Variants in KCNMA1 observed in about 807,000 individuals in gnomAD.
The protein encoded by KCNMA1 is potassium calcium-activated channel subfamily M alpha 1.
A neutral mutation model predicts 140.0 loss-of-function variants in KCNMA1; 29 were observed. The ratio of observed to expected loss-of-function variants is 0.21; its 90% CI spans 0.15 to 0.28. The LOEUF is 0.28. Among genes scored for constraint, KCNMA1 ranks in the 10% least tolerant of loss-of-function variants. KCNMA1 has a pLI of 1.00. For synonymous variants in KCNMA1, 612 were observed against 611.9 expected (o/e 1.00, Z 0.00); for missense variants, 880 against 1,602.2 (o/e 0.55, Z 7.70).
At chr10:77,181,915 C>T (rs1565043762) in intron 5 of KCNMA1, among the ~76,000 whole-genome samples, 1 of 150,230 alleles carries the variant, frequency 6.7e-6, no homozygotes, top group African/African-American at 2.4e-5. Context: ...TGGACACATA[C>T]ATATATATAT....
intron 2 of KCNMA1, among the ~76,000 whole-genome samples, chr10:77,392,061 A>T (rs1418146241): frequency 6.7e-6 from 1 of 149,772 alleles, no homozygotes; most frequent in Non-Finnish European, 1.5e-5. Context: ...ATTTCCTGAA[A>T]TGCCTCCAGG....
chr10:76,947,121 G>C (rs2064256783), intron 22 of KCNMA1, among the ~76,000 whole-genome samples: 1 of 152,080 alleles, frequency 6.6e-6, no homozygotes, highest in Admixed American at 6.6e-5. Context: ...GATCACCTGA[G>C]GTCAGGAGTT....
chr10:77,043,861 G>A (rs768643070), intron 14 of KCNMA1, among the ~76,000 whole-genome samples: 8 of 152,196 alleles, frequency 5.3e-5, no homozygotes, highest in South Asian at 2.1e-4. Flanking sequence ...AGGAGTCATC[G>A]TTTAACTGAG....
chr10:77,174,272 GTTAT>G (rs1464573278), intron 5 of KCNMA1, among the ~76,000 whole-genome samples: 2 of 152,144 alleles, frequency 1.3e-5, no homozygotes, highest in African/African-American at 4.8e-5. Context: ...CTTCAGGAAA[GTTAT>G]TTATTTCTTT....
intron 2 of KCNMA1, among the ~76,000 whole-genome samples, chr10:77,295,038 G>A (rs2074486043): frequency 1.3e-5 from 2 of 152,198 alleles, no homozygotes; most frequent in African/African-American, 4.8e-5. Context: ...TAGGTCTGAT[G>A]TGAATAGATC....
At chr10:77,029,516 A>G (rs1011229671) in intron 15 of KCNMA1, among the ~76,000 whole-genome samples, 11 of 152,198 alleles carry the variant, frequency 7.2e-5, no homozygotes, top group African/African-American at 2.7e-4. Context: ...CTACATCTTG[A>G]TCTCCAGTGA....
At chr10:77,063,801 G>A in intron 14 of KCNMA1, 1 of 985,304 alleles carries the variant, frequency 1.0e-6, no homozygotes, top group Non-Finnish European at 1.2e-6. Context: ...GGGAGGCAGA[G>A]TAGACCCAGT....
intron 1 of KCNMA1, among the ~76,000 whole-genome samples, chr10:77,541,004 C>CAAAA (rs11433642): frequency 6.9e-6 from 1 of 145,820 alleles, no homozygotes; most frequent in African/African-American, 2.5e-5. Context: ...GACTTCCTCT[C>CAAAA]AAAAAAAAAA....
At chr10:77,506,727 T>A (rs111209682) in intron 1 of KCNMA1, among the ~76,000 whole-genome samples, 1,560 of 59,750 alleles carry the variant, frequency 0.026, 9 homozygotes, top group East Asian at 0.072. Flanking sequence ...AGAGAGAGAG[T>A]GTGTGTGTGT....
At chr10:77,594,538 C>T (rs1477367699) in intron 1 of KCNMA1, among the ~76,000 whole-genome samples, 1 of 152,202 alleles carries the variant, frequency 6.6e-6, no homozygotes, top group African/African-American at 2.4e-5. Context: ...TCTCCCTAGA[C>T]CTCAGTCTCC....
chr10:77,266,675 C>T (rs968813404), intron 2 of KCNMA1, among the ~76,000 whole-genome samples: 2 of 152,166 alleles, frequency 1.3e-5, no homozygotes, highest in Non-Finnish European at 2.9e-5. Flanking sequence ...CCTGAATCTG[C>T]TACTTCACCC....
intron 13 of KCNMA1, among the ~76,000 whole-genome samples, chr10:77,076,756 A>G (rs1274224766): frequency 2.0e-5 from 3 of 152,252 alleles, no homozygotes; most frequent in Non-Finnish European, 4.4e-5. Context: ...ACACATGTCT[A>G]CAATTATGAT....
intron 2 of KCNMA1, among the ~76,000 whole-genome samples, chr10:77,289,348 C>T (rs184588750): frequency 6.6e-6 from 1 of 152,270 alleles, no homozygotes; most frequent in Admixed American, 6.5e-5. Context: ...TCACTAAGTC[C>T]CTAACATTCC....
Position 77,110,227 on chromosome 10 carries a change from A to G in KCNMA1, c.1077T>C (p.Tyr359=), listed in dbSNP as rs1052508705. ...TMSTVGYGDV[Y]AKTTLGRLFM... is the part of the protein sequence containing the mutation. The stretch of plus-strand genomic sequence containing the variant: ...AGAGGCGCCCAAGTGTGGTTTTTGC[A>G]TAAACATCCCCATAACCAACGGTGG... Residue 359 remains tyrosine (Y), a synonymous_variant, in exon 8 of 28, where the codon TAT becomes TAC. Transcript: ENST00000286628. 2.5e-6 allele frequency: 4 copies of G among 1,614,026 alleles called. No homozygotes were observed. In the African/African-American group the frequency reaches 4.0e-5, roughly 16 times the overall value.
rs1169847421 is a variant in KCNMA1, at chr10:76,977,398, T to C, written c.2267-7331A>G. The C allele has an allele frequency of 1.9e-5, 11 of 587,670 alleles. No homozygotes were observed. The East Asian group carries it at 2.5e-4, about 13-fold the overall frequency. 36.4% of individuals were successfully genotyped at this position (587,670 alleles called of 1,614,324 possible). ...CCCACTAAAAAGATATGAAATTTGGTGGCTATAAATAAAATTTTATCAGAC... is the reference window on the plus strand; with the variant it reads ...CCCACTAAAAAGATATGAAATTTGGCGGCTATAAATAAAATTTTATCAGAC... On this transcript the variant is annotated intron_variant, in intron 19 of 27. Transcript: ENST00000286628.
intron 2 of KCNMA1, among the ~76,000 whole-genome samples, chr10:77,304,954 G>A (rs1444043570): frequency 6.6e-6 from 1 of 152,314 alleles, no homozygotes; most frequent in African/African-American, 2.4e-5. Context: ...CCAAGGTAAT[G>A]CTTCCCAGAC....
intron 2 of KCNMA1, among the ~76,000 whole-genome samples, chr10:77,358,895 T>TC (rs2093715900): frequency 6.6e-6 from 1 of 152,216 alleles, no homozygotes; most frequent in African/African-American, 2.4e-5. Context: ...CCTGTCGTCA[T>TC]CTGTCTAAGT....
At chr10:77,244,465 T>G (rs1398184320) in intron 3 of KCNMA1, among the ~76,000 whole-genome samples, 1 of 152,176 alleles carries the variant, frequency 6.6e-6, no homozygotes, top group Non-Finnish European at 1.5e-5. Context: ...GTACCACTTG[T>G]GCAATGACAA....
chr10:76,995,762 C>T, intron 19 of KCNMA1: 2 of 454,416 alleles, frequency 4.4e-6, no homozygotes, highest in Non-Finnish European at 9.1e-6. Context: ...GCATAAGGGC[C>T]TCTTCTGGGC....
Sources: allele counts gnomAD v4.1 joint callset (sites outside exome capture counted in the v4.1 genomes callset), GRCh38; gene constraint gnomAD v4.1.1; transcripts MANE v1.5; gene names NCBI Gene and HGNC (gene_info 2026-07-23, HGNC 2026-07-21).